KCNH5: variants seen among roughly 807,000 people sequenced by gnomAD.
KCNH5 encodes the protein potassium voltage-gated channel subfamily H member 5.
In KCNH5, 46 loss-of-function variants were observed where a neutral mutation model predicts 96.1. The ratio of observed to expected loss-of-function variants is 0.48; its 90% confidence interval spans 0.38 to 0.61. The LOEUF (loss-of-function observed/expected upper bound fraction) is 0.61. Among genes scored for constraint, KCNH5 ranks in the 20% least tolerant of loss-of-function variants. The pLI is 0.00. For synonymous variants in KCNH5, 439 were observed against 449.8 expected (o/e 0.98, Z 0.30); for missense variants, 907 against 1,225.8 (o/e 0.74, Z 3.88).
intron 7 of KCNH5, among the ~76,000 whole-genome samples, chr14:62,878,109 A>G (rs867320832): frequency 1.4e-5 from 2 of 142,762 alleles, no homozygotes; most frequent in Non-Finnish European, 3.0e-5. Flanking sequence ...AAAACCAAAC[A>G]CCACATGTTC....
chr14:62,910,899 C>CCACA (rs1555363113), intron 7 of KCNH5, among the ~76,000 whole-genome samples: 15,151 of 140,170 alleles, frequency 0.11, 884 homozygotes, highest in East Asian at 0.15. Flanking sequence ...TGTGCATACA[C>CCACA]CACACACACA....
intron 9 of KCNH5, among the ~76,000 whole-genome samples, chr14:62,799,165 G>A (rs1273859259): frequency 6.6e-6 from 1 of 152,100 alleles, no homozygotes; most frequent in Non-Finnish European, 1.5e-5. Context: ...AAATAACACA[G>A]CAGTAAATGT....
chr14:63,015,915 C>T (rs1891318452), intron 2 of KCNH5, among the ~76,000 whole-genome samples: 1 of 151,392 alleles, frequency 6.6e-6, no homozygotes, highest in African/African-American at 2.4e-5. Flanking sequence ...TGCATTTAAC[C>T]ATTTTATATA....
intron 7 of KCNH5, among the ~76,000 whole-genome samples, chr14:62,935,679 T>C (rs1275355610): frequency 6.6e-6 from 1 of 152,154 alleles, no homozygotes; most frequent in Admixed American, 6.5e-5. Context: ...TCCTCTGAAA[T>C]CTCAACAATT....
At position 62,888,235 on chromosome 14, in the gene KCNH5, T is replaced by G. The variant is rs1386765343; in HGVS notation, c.1370-38383A>C. The stretch of plus-strand genomic sequence containing the variant: ...TTTTATCTTTTAATTCCATTCAAAC[T>G]GAAACTATACAGACTGAAAGTCCTG... On this transcript the variant is annotated intron_variant, in intron 7 of 10. Transcript: ENST00000322893. Among the ~76,000 whole-genome samples, 3 of 152,316 alleles carry G rather than the reference T, an allele frequency of 2.0e-5. No homozygotes were observed. The East Asian group carries it at 5.8e-4, about 29-fold the overall frequency.
chr14:62,934,820 GT>G (rs750155568), intron 7 of KCNH5, among the ~76,000 whole-genome samples: 2 of 152,264 alleles, frequency 1.3e-5, no homozygotes, highest in Non-Finnish European at 2.9e-5. Flanking sequence ...TTCTTGTTGT[GT>G]TTTGTTTTCA....
At chr14:62,772,658 A>C (rs1429455773) in intron 10 of KCNH5, among the ~76,000 whole-genome samples, 1 of 131,378 alleles carries the variant, frequency 7.6e-6, no homozygotes, top group Non-Finnish European at 1.6e-5. Context: ...AAAAAAAAAA[A>C]GTAGCAGTTT....
At chr14:63,025,852 C>T (rs11158467) in intron 1 of KCNH5, among the ~76,000 whole-genome samples, 65,142 of 150,920 alleles carry the variant, frequency 0.43, 14,543 homozygotes, top group East Asian at 0.59. Context: ...TTCACAGAAA[C>T]AGAAAAAAAA....
intron 7 of KCNH5, among the ~76,000 whole-genome samples, chr14:62,874,046 A>C (rs554536682): frequency 6.8e-4 from 103 of 152,190 alleles, no homozygotes; most frequent in Non-Finnish European, 1.3e-3. Context: ...AAAACAAGTA[A>C]ACATATCCTC....
chr14:62,844,288 T>A (rs1478896256), intron 8 of KCNH5, among the ~76,000 whole-genome samples: 4 of 152,200 alleles, frequency 2.6e-5, no homozygotes, highest in African/African-American at 9.7e-5. Context: ...AGACCTTTCA[T>A]TGTATGCAAC....
intron 7 of KCNH5, among the ~76,000 whole-genome samples, chr14:62,946,702 CA>C (rs1451360204): frequency 1.3e-5 from 2 of 152,058 alleles, no homozygotes; most frequent in Non-Finnish European, 2.9e-5. Context: ...GTGAGTTAAA[CA>C]GTAGTACATC....
In KCNH5 at chr14:63,008,150, T is replaced by C. The variant is rs541620553; in HGVS notation, c.198-1678A>G. On this transcript the variant is annotated intron_variant, in intron 2 of 10. Coordinates refer to ENST00000322893, the MANE Select transcript of KCNH5 (RefSeq NM_139318.5). Reference sequence around the variant, plus strand: ...AAGTCTGTCTTTGTTATTGCTTTTCTTTCAGTTTTCAAAGAGTTCACATAT... The same window carrying C: ...AAGTCTGTCTTTGTTATTGCTTTTCCTTCAGTTTTCAAAGAGTTCACATAT... Among the ~76,000 whole-genome samples, 5 of 152,304 alleles carry C rather than the reference T, an allele frequency of 3.3e-5. No individual in the cohort carries two copies. In the South Asian group the frequency reaches 8.3e-4, roughly 25 times the overall value.
intron 10 of KCNH5, among the ~76,000 whole-genome samples, chr14:62,754,115 A>G (rs956215875): frequency 4.6e-5 from 7 of 152,306 alleles, no homozygotes; most frequent in Middle Eastern, 6.8e-3. Flanking sequence ...CAGTTAAAAT[A>G]TAGAGTTTTT....
At chr14:62,868,351 A>G (rs116806175) in intron 7 of KCNH5, among the ~76,000 whole-genome samples, 1,762 of 152,338 alleles carry the variant, frequency 0.012, 53 homozygotes, top group African/African-American at 0.04. Flanking sequence ...TCTCCAAGGC[A>G]ACAGGCCAAA....
At chr14:62,815,956 A>G (rs1886969188) in intron 8 of KCNH5, among the ~76,000 whole-genome samples, 1 of 151,920 alleles carries the variant, frequency 6.6e-6, no homozygotes, top group South Asian at 2.1e-4. Context: ...GAATATATTG[A>G]TTGATTATAT....
intron 10 of KCNH5, among the ~76,000 whole-genome samples, chr14:62,767,631 G>A (rs74533606): frequency 0.036 from 5,414 of 152,152 alleles, 175 homozygotes; most frequent in African/African-American, 0.094. Flanking sequence ...CTGAGTACAC[G>A]CGGACAATAA....
chr14:62,952,854 T>C (rs999555376), intron 6 of KCNH5, among the ~76,000 whole-genome samples: 2 of 152,142 alleles, frequency 1.3e-5, no homozygotes, highest in African/African-American at 4.8e-5. Flanking sequence ...GTGACCATCC[T>C]GACAGGCCTG....
intron 7 of KCNH5, among the ~76,000 whole-genome samples, chr14:62,897,470 A>G (rs1156829870): frequency 2.0e-5 from 3 of 152,206 alleles, no homozygotes; most frequent in Non-Finnish European, 4.4e-5. Flanking sequence ...AAACTTAACA[A>G]GAGTGCTCAA....
chr14:63,031,779 A>G (rs558154955), intron 1 of KCNH5, among the ~76,000 whole-genome samples: 2 of 152,284 alleles, frequency 1.3e-5, no homozygotes, highest in East Asian at 3.9e-4. Context: ...CAAAAGGGTA[A>G]ATATGGAAGA....
Sources: allele counts gnomAD v4.1 joint callset (sites outside exome capture counted in the v4.1 genomes callset), GRCh38; gene constraint gnomAD v4.1.1; transcripts MANE v1.5; gene names NCBI Gene and HGNC (gene_info 2026-07-23, HGNC 2026-07-21).